Variants in ARHGAP28 observed in about 807,000 individuals in gnomAD.
ARHGAP28 encodes the protein rho GTPase-activating protein 28.
In ARHGAP28, 56 loss-of-function variants were observed where a neutral mutation model predicts 90.7. The observed-to-expected ratio is 0.62, with a 90% confidence interval of 0.50 to 0.77. The LOEUF is 0.77. Ranked by LOEUF, ARHGAP28 falls within the 30% of genes least tolerant of loss-of-function variation. The probability of loss-of-function intolerance (pLI) is 0.00; values close to 1 mark genes in which losing one functional copy is unlikely to be tolerated. For synonymous variants in ARHGAP28, 308 were observed against 323.3 expected (o/e 0.95, Z 0.51); for missense variants, 869 against 900.9 (o/e 0.96, Z 0.45).
At chr18:6,752,674 G>A (rs570193677) in intron 1 of ARHGAP28, among the ~76,000 whole-genome samples, 1 of 152,158 alleles carries the variant, frequency 6.6e-6, no homozygotes, top group African/African-American at 2.4e-5. Flanking sequence ...GGCTCTGGAA[G>A]CTTCTCAGGC....
At chr18:6,732,385 A>T (rs2055889831) in intron 1 of ARHGAP28, among the ~76,000 whole-genome samples, 1 of 152,174 alleles carries the variant, frequency 6.6e-6, no homozygotes. Flanking sequence ...TGCCCCAAGA[A>T]TGTGGCCCTT....
chr18:6,831,485 T>C (rs1252831406), intron 2 of ARHGAP28, among the ~76,000 whole-genome samples: 4 of 138,420 alleles, frequency 2.9e-5, no homozygotes, highest in African/African-American at 8.9e-5. Context: ...TTTTTTTTTT[T>C]TTCTTTTTTT....
chr18:6,903,826 C>CAAAAAAAAAAA (rs35606759), intron 16 of ARHGAP28, among the ~76,000 whole-genome samples: 1 of 84,056 alleles, frequency 1.2e-5, no homozygotes, highest in African/African-American at 5.0e-5. Flanking sequence ...GACTCCATCT[C>CAAAAAAAAAAA]AAAAAAAAAA....
chr18:6,801,047 C>G (rs2056478102), intron 1 of ARHGAP28, among the ~76,000 whole-genome samples: 1 of 152,268 alleles, frequency 6.6e-6, no homozygotes, highest in South Asian at 2.1e-4. Flanking sequence ...TTGTTGTGTC[C>G]TATCTTTCAA....
intron 1 of ARHGAP28, among the ~76,000 whole-genome samples, chr18:6,747,196 G>A (rs142118589): frequency 9.1e-4 from 138 of 151,934 alleles, no homozygotes; most frequent in African/African-American, 3.2e-3. Context: ...AGGAGAACTG[G>A]GAACCATTTC....
intron 2 of ARHGAP28, among the ~76,000 whole-genome samples, chr18:6,831,849 G>C (rs1435437285): frequency 1.3e-5 from 2 of 152,066 alleles, no homozygotes; most frequent in African/African-American, 2.4e-5. Flanking sequence ...CATTAAACAT[G>C]ATGGTAATTG....
intron 3 of ARHGAP28, among the ~76,000 whole-genome samples, chr18:6,847,809 A>G (rs2056878281): frequency 6.6e-6 from 1 of 152,172 alleles, no homozygotes; most frequent in South Asian, 2.1e-4. Context: ...AGGATGCAGC[A>G]AATAGTCCTA....
intron 1 of ARHGAP28, among the ~76,000 whole-genome samples, chr18:6,749,086 C>T (rs1412309131): frequency 6.6e-6 from 1 of 152,104 alleles, no homozygotes; most frequent in Non-Finnish European, 1.5e-5. Flanking sequence ...CAACATTAGA[C>T]AAAAATGTTT....
chr18:6,768,630 T>C (rs1377567398), intron 1 of ARHGAP28, among the ~76,000 whole-genome samples: 1 of 152,074 alleles, frequency 6.6e-6, no homozygotes, highest in Non-Finnish European at 1.5e-5. Context: ...TGCACATGAG[T>C]GACTTAATAT....
intron 16 of ARHGAP28, among the ~76,000 whole-genome samples, chr18:6,902,404 A>G (rs569198344): frequency 5.8e-4 from 89 of 152,322 alleles, no homozygotes; most frequent in Non-Finnish European, 1.1e-3. Context: ...AAAATTAAAT[A>G]TTTATTTTAA....
In ARHGAP28 at chr18:6,904,917, G is replaced by C. The variant is rs796071673; in HGVS notation, c.2031-4043G>C. 3.3e-5 allele frequency among the ~76,000 whole-genome samples: 5 copies of C among 152,220 alleles called. 1 individual carries two copies. Among genetic ancestry groups the C allele is most frequent in the African/African-American group, 1.2e-4 (5 of 41,564 alleles). On this transcript the variant is annotated intron_variant, in intron 16 of 17. Transcript: ENST00000383472. The stretch of plus-strand genomic sequence containing the variant: ...TAGTGCTATAGCCATTAAAGAAATT[G>C]AATCTATAATATTAAAGTTTTTAAA...
chr18:6,831,288 CTTT>C (rs2056712974), intron 2 of ARHGAP28, among the ~76,000 whole-genome samples: 1 of 151,982 alleles, frequency 6.6e-6, no homozygotes, highest in African/African-American at 2.4e-5. Context: ...TTTATTAAAA[CTTT>C]TTATTACTGT....
At chr18:6,832,707 A>G (rs920279443) in intron 2 of ARHGAP28, among the ~76,000 whole-genome samples, 1 of 151,996 alleles carries the variant, frequency 6.6e-6, no homozygotes, top group Non-Finnish European at 1.5e-5. Flanking sequence ...CTAATAATAT[A>G]TAGTCATTCT....
chr18:6,861,256 A>G (rs1309196055), intron 5 of ARHGAP28, among the ~76,000 whole-genome samples: 3 of 152,074 alleles, frequency 2.0e-5, no homozygotes. Context: ...CTTCATGCGC[A>G]TCTCTGAGAC....
chr18:6,868,067 T>C, intron 5 of ARHGAP28, 83 bp from the exon 6 acceptor site: 1 of 1,142,622 alleles, frequency 8.8e-7, no homozygotes, highest in South Asian at 1.3e-5. Flanking sequence ...TCTTGTATAC[T>C]GCAGAACATA....
At chr18:6,737,688 T>C (rs1430435538) in intron 1 of ARHGAP28, among the ~76,000 whole-genome samples, 1 of 152,224 alleles carries the variant, frequency 6.6e-6, no homozygotes, top group Non-Finnish European at 1.5e-5. Context: ...TATCATTCTT[T>C]ATCATATGAA....
intron 1 of ARHGAP28, among the ~76,000 whole-genome samples, chr18:6,794,835 A>G (rs1487954757): frequency 6.6e-6 from 1 of 152,034 alleles, no homozygotes; most frequent in Admixed American, 6.6e-5. Flanking sequence ...GGTACACGCC[A>G]CCACTCCTGG....
At chr18:6,776,891 G>A (rs1440318046) in intron 1 of ARHGAP28, among the ~76,000 whole-genome samples, 1 of 152,134 alleles carries the variant, frequency 6.6e-6, no homozygotes, top group East Asian at 1.9e-4. Context: ...GATCATTATG[G>A]ATGAATGTTA....
chr18:6,903,648 T>C (rs965003192), intron 16 of ARHGAP28, among the ~76,000 whole-genome samples: 2 of 151,632 alleles, frequency 1.3e-5, no homozygotes, highest in Non-Finnish European at 2.9e-5. Flanking sequence ...CTGGCCAACA[T>C]GGTGAAATGC....
Sources: allele counts gnomAD v4.1 joint callset (sites outside exome capture counted in the v4.1 genomes callset), GRCh38; gene constraint gnomAD v4.1.1; transcripts MANE v1.5; gene names NCBI Gene and HGNC (gene_info 2026-07-23, HGNC 2026-07-21).